Variants in CNTLN observed in about 807,000 individuals in gnomAD.
CNTLN encodes the protein centlein, also known as centlein, centrosomal protein.
Under a neutral mutation model 180.0 loss-of-function variants are expected in CNTLN, and 212 were observed. The ratio of observed to expected loss-of-function variants is 1.18; its 90% CI spans 1.05 to 1.32. The LOEUF is 1.32. Ranked by LOEUF, CNTLN falls within the 40% of genes most tolerant of loss-of-function variation. CNTLN has a pLI of 0.00. For missense variants in CNTLN, 2,095 were observed against 1,610.9 expected, an observed-to-expected ratio of 1.30 and a Z score of -5.14; for synonymous variants, 722 against 563.1, an observed-to-expected ratio of 1.28 and a Z score of -3.99.
rs1833815485 is a variant in CNTLN, at chr9:17,502,665, G to A, written c.*13G>A. ...AGATATTAGATGATATTAAAATGGA[G>A]AGCTTTATTGCAAATGTGAAAACTT... On this transcript the variant is annotated 3_prime_UTR_variant, in exon 26 of 26. Transcript: ENST00000380647. 1.9e-6 allele frequency: 2 copies of A among 1,073,320 alleles called. No individual in the cohort carries two copies. The highest frequency in any genetic ancestry group is 1.7e-5 in the African/African-American group (1 of 60,074). 66.5% of individuals were successfully genotyped at this position (1,073,320 alleles called of 1,614,324 possible).
At chr9:17,298,146 A>G in intron 6 of CNTLN, 44 bp from the exon 7 acceptor site, 1 of 1,367,374 alleles carries the variant, frequency 7.3e-7, no homozygotes, top group East Asian at 2.7e-5. Flanking sequence ...AACTGAGATG[A>G]TCTTTATCCA....
intron 2 of CNTLN, among the ~76,000 whole-genome samples, chr9:17,153,417 C>G (rs961572170): frequency 5.9e-5 from 9 of 152,140 alleles, no homozygotes; most frequent in African/African-American, 2.2e-4. Flanking sequence ...GCTTATGAAG[C>G]TTATTTTGGA....
intron 5 of CNTLN, among the ~76,000 whole-genome samples, chr9:17,245,741 C>G (rs57086350): frequency 0.016 from 2,360 of 151,740 alleles, 65 homozygotes; most frequent in African/African-American, 0.054. Context: ...CCTCATTTTT[C>G]TTTTGTCTCC....
At position 17,421,596 on chromosome 9, in the gene CNTLN, C is replaced by T. The variant is rs975723322; in HGVS notation, c.3114+5407C>T. Among the ~76,000 whole-genome samples the T allele has an allele frequency of 2.6e-5, 4 of 152,134 alleles. No homozygotes were observed. In the East Asian group the frequency reaches 7.7e-4, roughly 29 times the overall value. The stretch of plus-strand genomic sequence containing the variant: ...ATTATTATTCATAGATGAGTACTTG[C>T]TACTGCCATTTTGTTATTTATTTTC... On this transcript the variant is annotated intron_variant, in intron 18 of 25. Coordinates refer to ENST00000380647, the MANE Select transcript of CNTLN (RefSeq NM_017738.4).
chr9:17,219,727 C>CA (rs1330996171), intron 2 of CNTLN, among the ~76,000 whole-genome samples: 1 of 152,056 alleles, frequency 6.6e-6, no homozygotes, highest in Non-Finnish European at 1.5e-5. Flanking sequence ...GTGTCTTAGT[C>CA]AGTTCTGACT....
At chr9:17,312,350 T>TATATATATATATA (rs1819199959) in intron 8 of CNTLN, among the ~76,000 whole-genome samples, 2 of 16,370 alleles carry the variant, frequency 1.2e-4, no homozygotes, top group Non-Finnish European at 3.6e-4. Context: ...TATTTATATA[T>TATATATATATATA]ATATATATAT....
chr9:17,212,502 T>G (rs949374182), intron 2 of CNTLN, among the ~76,000 whole-genome samples: 1 of 152,206 alleles, frequency 6.6e-6, no homozygotes, highest in Non-Finnish European at 1.5e-5. Flanking sequence ...TCAGGGATAT[T>G]GGTCTAAAAT....
chr9:17,418,803 C>T (rs1384247701), intron 18 of CNTLN, among the ~76,000 whole-genome samples: 1 of 151,864 alleles, frequency 6.6e-6, no homozygotes, highest in South Asian at 2.1e-4. Context: ...TTTGGGCAGC[C>T]TCCATACTAA....
chr9:17,406,314 A>T (rs1387192416), intron 15 of CNTLN, among the ~76,000 whole-genome samples: 1 of 151,848 alleles, frequency 6.6e-6, no homozygotes, highest in Non-Finnish European at 1.5e-5. Flanking sequence ...CTGGAATATG[A>T]AAAGAACTTT....
intron 2 of CNTLN, among the ~76,000 whole-genome samples, chr9:17,210,524 A>G (rs1040172898): frequency 6.6e-6 from 1 of 152,214 alleles, no homozygotes; most frequent in Non-Finnish European, 1.5e-5. Flanking sequence ...CAGTGAACAT[A>G]CGTGTGCATG....
chr9:17,456,939 C>G (rs915955862), intron 18 of CNTLN, among the ~76,000 whole-genome samples: 2 of 152,150 alleles, frequency 1.3e-5, no homozygotes, highest in Non-Finnish European at 2.9e-5. Context: ...TAGTGCATTT[C>G]TACCTCAACA....
intron 18 of CNTLN, among the ~76,000 whole-genome samples, chr9:17,418,172 A>G (rs1233546980): frequency 6.6e-6 from 1 of 152,022 alleles, no homozygotes; most frequent in Non-Finnish European, 1.5e-5. Context: ...AACATCTAAT[A>G]TTCAAAAAAG....
chr9:17,416,098 C>T lies in CNTLN; in HGVS notation c.3023C>T (p.Ser1008Phe), dbSNP rs763430218. The change falls in exon 18 of 26, where the codon TCT becomes TTT. Residue 1008 changes from serine to phenylalanine, a missense_variant. Coordinates refer to ENST00000380647, the MANE Select transcript of CNTLN (RefSeq NM_017738.4). ...LQNAKKTAEL[S>F]VKEYKEVNEK... The stretch of plus-strand genomic sequence containing the variant: ...AATGCCAAGAAAACAGCAGAATTGT[C>T]TGTTAAAGAATATAAAGAAGTTAAT... 24 of 1,613,548 alleles carry T rather than the reference C, an allele frequency of 1.5e-5. No individual in the cohort carries two copies. Among genetic ancestry groups the T allele is most frequent in the Non-Finnish European group, 2.0e-5 (24 of 1,179,738 alleles).
intron 12 of CNTLN, among the ~76,000 whole-genome samples, chr9:17,355,827 G>A (rs889190153): frequency 1.3e-4 from 20 of 152,290 alleles, no homozygotes; most frequent in Admixed American, 1.1e-3. Context: ...CACTTTGGGA[G>A]GCTGAGGCGG....
chr9:17,303,576 G>A (rs1466920030), intron 7 of CNTLN, among the ~76,000 whole-genome samples: 1 of 151,872 alleles, frequency 6.6e-6, no homozygotes, highest in East Asian at 1.9e-4. Context: ...CAAAAATGTA[G>A]TAGTTGTGTA....
chr9:17,421,571 A>G (rs1464302565), intron 18 of CNTLN, among the ~76,000 whole-genome samples: 1 of 151,960 alleles, frequency 6.6e-6, no homozygotes, highest in Non-Finnish European at 1.5e-5. Context: ...TGCATTCAGT[A>G]TTATTATTCA....
chr9:17,391,666 A>G (rs938898052), intron 14 of CNTLN, among the ~76,000 whole-genome samples: 1 of 152,210 alleles, frequency 6.6e-6, no homozygotes, highest in African/African-American at 2.4e-5. Flanking sequence ...TTTATAACAT[A>G]ATTTAATTGA....
chr9:17,239,604 C>G (rs1245110095), intron 5 of CNTLN, among the ~76,000 whole-genome samples: 2 of 152,044 alleles, frequency 1.3e-5, no homozygotes, highest in Non-Finnish European at 2.9e-5. Flanking sequence ...AGTTTTATGT[C>G]TTACATTTCA....
chr9:17,433,062 A>T (rs891452856), intron 18 of CNTLN, among the ~76,000 whole-genome samples: 1 of 151,682 alleles, frequency 6.6e-6, no homozygotes, highest in Non-Finnish European at 1.5e-5. Context: ...CAGAAAAAAA[A>T]TGTCTAACCT....
Sources: allele counts gnomAD v4.1 joint callset (sites outside exome capture counted in the v4.1 genomes callset), GRCh38; gene constraint gnomAD v4.1.1; transcripts MANE v1.5; gene names NCBI Gene and HGNC (gene_info 2026-07-23, HGNC 2026-07-21).